The following TDRD12 variants were observed in gnomAD, a reference collection of about 807,000 sequenced individuals.
TDRD12 encodes the protein tudor domain containing 12, also known as putative ATP-dependent RNA helicase TDRD12.
Under a neutral mutation model 133.5 loss-of-function variants are expected in TDRD12, and 158 were observed. The ratio of observed to expected loss-of-function variants is 1.18; its 90% confidence interval spans 1.04 to 1.35. The LOEUF is 1.35. TDRD12 is among the 40% of genes most tolerant of loss of function. TDRD12 has a pLI of 0.00. For synonymous variants in TDRD12, 460 were observed against 477.9 expected (o/e 0.96, Z 0.49); for missense variants, 1,443 against 1,321.3 (o/e 1.09, Z -1.43).
chr19:32,768,737 T>G (rs1970365640), intron 8 of TDRD12, among the ~76,000 whole-genome samples: 1 of 152,176 alleles, frequency 6.6e-6, no homozygotes, highest in South Asian at 2.1e-4. Flanking sequence ...GAGCTGTTTC[T>G]CAGCTCTTGA....
At chr19:32,809,619 C>G (rs935116079) in intron 22 of TDRD12, among the ~76,000 whole-genome samples, 7 of 152,234 alleles carry the variant, frequency 4.6e-5, no homozygotes, top group African/African-American at 1.7e-4. Flanking sequence ...CCAGCACACA[C>G]AAGCTGTGGC....
rs1025424619 is a variant in TDRD12 at position 32,771,816 on chromosome 19, A to C, written c.866-937A>C. ...GCAGACTTGGGTTCCAAATTACTTTAAAGAAGGGTTAGGGCATTTTATAAT... is the reference window on the plus strand; with the variant it reads ...GCAGACTTGGGTTCCAAATTACTTTCAAGAAGGGTTAGGGCATTTTATAAT... On this transcript the variant is annotated intron_variant, in intron 8 of 27. Coordinates refer to ENST00000444215, the Ensembl canonical transcript of TDRD12. 2.9e-4 allele frequency among the ~76,000 whole-genome samples: 44 copies of C among 152,224 alleles called. 1 individual carries two copies. Among genetic ancestry groups the C allele is most frequent in the Admixed American group, 2.7e-3 (41 of 15,290 alleles).
downstream of TDRD12, among the ~76,000 whole-genome samples, chr19:32,822,138 A>G (rs1194159804): frequency 5.3e-5 from 8 of 152,016 alleles, no homozygotes; most frequent in Admixed American, 5.2e-4. Flanking sequence ...ACAAAAACAA[A>G]AACAAAACTG....
intron 11 of TDRD12, among the ~76,000 whole-genome samples, chr19:32,785,116 G>T (rs1046935664): frequency 6.6e-6 from 1 of 151,654 alleles, no homozygotes; most frequent in African/African-American, 2.4e-5. Context: ...TCCCTTGTGG[G>T]CATTTAGTGC....
chr19:32,802,535 T>C (rs1242349515), intron 19 of TDRD12, 121 bp from the exon 20 acceptor site: 1 of 1,171,960 alleles, frequency 8.5e-7, no homozygotes, highest in African/African-American at 1.5e-5. Context: ...AGAAGTTTCT[T>C]TGCATCCAAA....
At chr19:32,775,486 A>G (rs567826757) in intron 10 of TDRD12, among the ~76,000 whole-genome samples, 2 of 152,204 alleles carry the variant, frequency 1.3e-5, no homozygotes, top group Non-Finnish European at 1.5e-5. Flanking sequence ...ATACACCACC[A>G]CAGCTGGCTA....
At chr19:32,829,556 T>C (rs1967690679), downstream of TDRD12, 1 of 152,270 alleles carries the variant, frequency 6.6e-6, no homozygotes, top group Admixed American at 6.5e-5. Context: ...GTATCATCAA[T>C]AAAATTTCAC....
chr19:32,798,778 C>T (rs1293884351), intron 16 of TDRD12, among the ~76,000 whole-genome samples: 1 of 152,072 alleles, frequency 6.6e-6, no homozygotes, highest in Non-Finnish European at 1.5e-5. Flanking sequence ...AGAAGGGATC[C>T]CTCTTACTAT....
intron 1 of TDRD12, 116 bp downstream of exon 1, chr19:32,720,212 A>T: frequency 9.8e-7 from 1 of 1,017,874 alleles, no homozygotes; most frequent in Non-Finnish European, 1.4e-6. Context: ...CACCCACCGC[A>T]GCCCCGCACA....
chr19:32,729,291 C>T (rs1204311710), intron 1 of TDRD12, among the ~76,000 whole-genome samples: 1 of 146,394 alleles, frequency 6.8e-6, no homozygotes. Context: ...AATCTCGGCT[C>T]ACTGCAAGCT....
intron 1 of TDRD12, among the ~76,000 whole-genome samples, chr19:32,730,577 A>G (rs549594264): frequency 6.6e-6 from 1 of 152,278 alleles, no homozygotes; most frequent in East Asian, 1.9e-4. Flanking sequence ...ATCATTTGTT[A>G]TAAAAATGTT....
Position 32,719,999 on chromosome 19 carries a change from C to T in TDRD12, c.-74C>T, listed in dbSNP as rs935709548. ...GCGGCGGGGGCCTGGCCGGGGCGGA[C>T]GCAGCCAGCCTCACCCGCGACGGTA... On this transcript the variant is annotated 5_prime_UTR_variant, in exon 1 of 28. It adds an upstream start codon to the 5' untranslated region. Coordinates refer to ENST00000444215, the Ensembl canonical transcript of TDRD12. 32 of 1,521,114 alleles carry T rather than the reference C, an allele frequency of 2.1e-5. No individual in the cohort carries two copies. Among genetic ancestry groups the T allele is most frequent in the Non-Finnish European group, 2.8e-5 (32 of 1,129,530 alleles). The allele number at this position is 1,521,114 out of a possible 1,614,324, so 94.2% of individuals were successfully genotyped here.
chr19:32,819,976 G>A (rs892938890), intron 27 of TDRD12, among the ~76,000 whole-genome samples: 2 of 152,152 alleles, frequency 1.3e-5, no homozygotes, highest in Non-Finnish European at 2.9e-5. Context: ...TAGGGCTCAG[G>A]AAAGCAGCTG....
At chr19:32,782,381 G>C (rs1041567051) in intron 11 of TDRD12, among the ~76,000 whole-genome samples, 3 of 152,158 alleles carry the variant, frequency 2.0e-5, no homozygotes, top group African/African-American at 7.2e-5. Context: ...GGACATTTGG[G>C]TTGGTTCCAA....
downstream of TDRD12, among the ~76,000 whole-genome samples, chr19:32,825,369 G>A (rs1967555426): frequency 6.6e-6 from 1 of 152,166 alleles, no homozygotes; most frequent in South Asian, 2.1e-4. This position sits in a 1 kb window ranked among gnomAD's most constrained non-coding sequence, Gnocchi z 4.1. Flanking sequence ...AGATTGAGAA[G>A]TTCACATTGC....
chr19:32,754,835 G>A (rs1213899906), intron 6 of TDRD12, among the ~76,000 whole-genome samples: 1 of 151,964 alleles, frequency 6.6e-6, no homozygotes, highest in African/African-American at 2.4e-5. Flanking sequence ...GCGCCACCAC[G>A]CCGGGCTAAT....
At chr19:32,756,205 A>C in intron 7 of TDRD12, 24 bp downstream of exon 7, 1 of 1,393,602 alleles carries the variant, frequency 7.2e-7, no homozygotes, top group Middle Eastern at 1.8e-4. Context: ...CATCATATCA[A>C]TTTCCCTTAC....
At chr19:32,745,629 G>A (rs1300998469) in intron 4 of TDRD12, among the ~76,000 whole-genome samples, 1 of 152,182 alleles carries the variant, frequency 6.6e-6, no homozygotes, top group Non-Finnish European at 1.5e-5. Context: ...GTGTGAAAGA[G>A]GGAGAGAGAG....
At chr19:32,810,147 A>C in exon 23 of TDRD12, 1 of 1,534,310 alleles carries the variant, frequency 6.5e-7, no homozygotes, top group Non-Finnish European at 8.7e-7. Context: ...TATAGTTGAT[A>C]AACACATGGA....
Sources: allele counts gnomAD v4.1 joint callset (sites outside exome capture counted in the v4.1 genomes callset), GRCh38; gene constraint gnomAD v4.1.1; non-coding constraint Gnocchi (gnomAD v3.1); transcripts MANE v1.5; gene names NCBI Gene and HGNC (gene_info 2026-07-23, HGNC 2026-07-21).